Variants in MYCBP2 observed in about 807,000 individuals in gnomAD.
MYCBP2 encodes E3 ubiquitin-protein ligase MYCBP2.
MYCBP2 carries 120 observed loss-of-function variants against 525.3 expected under a neutral mutation model. The observed-to-expected ratio is 0.23, with a 90% CI of 0.20 to 0.27. The LOEUF (loss-of-function observed/expected upper bound fraction) is 0.27, where lower values mean the gene tolerates loss of function less well. Among genes scored for constraint, MYCBP2 ranks in the 10% least tolerant of loss-of-function variants. MYCBP2 has a pLI of 1.00. For missense variants in MYCBP2, 4,149 were observed against 5,657.1 expected (o/e 0.73, Z 8.55); for synonymous variants, 1,894 against 1,955.8 (o/e 0.97, Z 0.83).
intron 81 of MYCBP2, 128 bp from the exon 82 acceptor site, chr13:77,051,290 T>C (rs983114361): frequency 1.2e-5 from 9 of 751,608 alleles, no homozygotes; most frequent in Admixed American, 1.0e-4. Context: ...TAAAAATTGA[T>C]TGAAAAACTG....
chr13:77,249,546 A>G (rs965239679), intron 15 of MYCBP2, among the ~76,000 whole-genome samples: 5 of 152,072 alleles, frequency 3.3e-5, no homozygotes, highest in African/African-American at 4.8e-5. Flanking sequence ...GAGAGTGGGG[A>G]TATTAAATTT....
Position 77,097,903 on chromosome 13 carries a change from T to C in MYCBP2, c.9251A>G (p.Lys3084Arg). 1 of 1,612,676 alleles carries C rather than the reference T, an allele frequency of 6.2e-7. No homozygotes were observed. Among genetic ancestry groups the C allele is most frequent in the Non-Finnish European group, 8.5e-7 (1 of 1,179,598 alleles). Residue 3084 changes from lysine to arginine, a missense_variant, in exon 56 of 83, where the codon AAG becomes AGG. By Grantham distance (26) the Lys-to-Arg change is conservative. Around this residue, in one of 21 missense-constraint regions of MYCBP2, gnomAD observed 653 missense variants for 744.7 expected, o/e 0.88. Coordinates refer to ENST00000544440, the MANE Select transcript of MYCBP2 (RefSeq NM_015057.5). ...SQQPTEEKET[K>R]LKNRHSLEIS... ...TTCTAATGAATGTCTATTTTTTAAC[T>C]TGGTTTCTTTTTCCTCTGTAGGTTG... is the stretch of plus-strand genomic sequence containing the variant.
At chr13:77,103,277 C>T (rs1330132143) in intron 55 of MYCBP2, 11 of 397,416 alleles carry the variant, frequency 2.8e-5, no homozygotes, top group African/African-American at 1.2e-4. Flanking sequence ...TTTGTAAATG[C>T]GCTCACGAGA....
chr13:77,129,357 A>G (rs1594776335), intron 52 of MYCBP2: 1 of 386,734 alleles, frequency 2.6e-6, no homozygotes, highest in East Asian at 3.6e-5. Flanking sequence ...ATATTATTTT[A>G]CTAAAGAGAA....
At chr13:77,088,065 T>C (rs931606399) in intron 61 of MYCBP2, among the ~76,000 whole-genome samples, 1 of 152,154 alleles carries the variant, frequency 6.6e-6, no homozygotes, top group Non-Finnish European at 1.5e-5. Context: ...ATTACAAGCA[T>C]GGGCTACTAT....
rs114686299 is a variant in MYCBP2 at position 77,258,945 on chromosome 13, T to C, written c.2018-1116A>G. On this transcript the variant is annotated intron_variant, in intron 13 of 82. Transcript: ENST00000544440. ...ACCCAGTTAAAGATTAAGTAAACTG[T>C]TACCCAATTAAAAGCGTTGGTGCCA... Among the ~76,000 whole-genome samples, 1,509 of 152,220 alleles carry C rather than the reference T, an allele frequency of 9.9e-3. 25 individuals are homozygous for C. The highest frequency in any genetic ancestry group is 0.034 in the African/African-American group (1,424 of 41,532).
chr13:77,068,155 A>T (rs1372967062), intron 70 of MYCBP2, among the ~76,000 whole-genome samples: 1 of 152,202 alleles, frequency 6.6e-6, no homozygotes, highest in Non-Finnish European at 1.5e-5. Flanking sequence ...TTAAGAAAAG[A>T]AATATGATTT....
At position 77,171,607 on chromosome 13, in the gene MYCBP2, G is replaced by A. The variant is rs777422904; in HGVS notation, c.5679C>T (p.Ser1893=). The change falls in exon 38 of 83, where the codon TCC becomes TCT. Residue 1893 remains serine, a synonymous_variant. Coordinates refer to ENST00000544440, the MANE Select transcript of MYCBP2 (RefSeq NM_015057.5). ...CTTCATTGGCTTTACTCAGAAGTTG[G>A]GATTGTAAATCTCCATCAAATTCAC... is the stretch of plus-strand genomic sequence containing the variant. The part of the protein sequence containing the change: ...YRSEFDGDLQ[S]QLLSKANEED... 1.2e-6 allele frequency: 2 copies of A among 1,613,950 alleles called. No homozygotes were observed. The highest frequency in any genetic ancestry group is 2.2e-5 in the South Asian group (2 of 91,050).
In MYCBP2 at chr13:77,251,408, A is replaced by G. The variant is rs1006005874; in HGVS notation, c.2177-53T>C. On this transcript the variant is annotated intron_variant, in intron 14 of 82. Coordinates refer to ENST00000544440, the MANE Select transcript of MYCBP2 (RefSeq NM_015057.5). ...TATACAGGTTACTTTCATGTATAAAAGATGGATGACTATATTTCCCAGTTT... is the reference window on the plus strand; with the variant it reads ...TATACAGGTTACTTTCATGTATAAAGGATGGATGACTATATTTCCCAGTTT... The G allele has an allele frequency of 2.8e-6, 4 of 1,441,406 alleles. No homozygotes were observed. In the African/African-American group the frequency reaches 5.6e-5, roughly 20 times the overall value. The allele number at this position is 1,441,406 out of a possible 1,614,324, so 89.3% of individuals were successfully genotyped here.
intron 56 of MYCBP2, among the ~76,000 whole-genome samples, 195 bp from the exon 57 acceptor site, chr13:77,096,676 C>A (rs77806805): frequency 6.6e-6 from 1 of 151,834 alleles, no homozygotes; most frequent in South Asian, 2.1e-4. Flanking sequence ...TTAAATGATG[C>A]CCCAAATATG....
At chr13:77,292,697 G>A (rs1382321493) in intron 2 of MYCBP2, among the ~76,000 whole-genome samples, 2 of 152,102 alleles carry the variant, frequency 1.3e-5, no homozygotes, top group Admixed American at 6.5e-5. Context: ...GGTGGCTTGT[G>A]CCTGTAATCC....
chr13:77,225,684 GT>G, intron 18 of MYCBP2, 130 bp from the exon 19 acceptor site: 1 of 1,146,282 alleles, frequency 8.7e-7, no homozygotes, highest in Non-Finnish European at 1.2e-6. Context: ...ATCTGTAGCT[GT>G]TAGAAGTGAT....
At chr13:77,144,176 C>T (rs973945349) in intron 49 of MYCBP2, 12 of 413,798 alleles carry the variant, frequency 2.9e-5, no homozygotes, top group East Asian at 9.3e-5. Context: ...GTAACAGCAG[C>T]GTGGAAGAGA....
chr13:77,306,235 T>G (rs890214605), intron 1 of MYCBP2, among the ~76,000 whole-genome samples: 1 of 152,202 alleles, frequency 6.6e-6, no homozygotes, highest in African/African-American at 2.4e-5. Flanking sequence ...ACTGAAGCTT[T>G]TCCATAGAAG....
chr13:77,238,100 C>G (rs748282499), intron 17 of MYCBP2, among the ~76,000 whole-genome samples: 1 of 151,586 alleles, frequency 6.6e-6, no homozygotes. Flanking sequence ...AAAATTAGCC[C>G]GGTGTGGTGG....
intron 34 of MYCBP2, among the ~76,000 whole-genome samples, chr13:77,179,346 T>C (rs2060002442): frequency 6.6e-6 from 1 of 152,186 alleles, no homozygotes; most frequent in African/African-American, 2.4e-5. Flanking sequence ...TAGGACATGA[T>C]TTTCCAAACC....
chr13:77,052,921 G>T (rs1424247406), intron 80 of MYCBP2, among the ~76,000 whole-genome samples: 1 of 152,162 alleles, frequency 6.6e-6, no homozygotes, highest in Non-Finnish European at 1.5e-5. Context: ...TTGAGCTCAG[G>T]AGTTCAAGAC....
At chr13:77,077,458 T>C (rs967298222) in intron 66 of MYCBP2, 71 bp from the exon 67 acceptor site, 13 of 1,554,406 alleles carry the variant, frequency 8.4e-6, no homozygotes, top group East Asian at 4.5e-5. Flanking sequence ...GGACTTAGCA[T>C]TGATACCAGC....
chr13:77,137,607 G>T (rs1255624062), intron 52 of MYCBP2, among the ~76,000 whole-genome samples: 3 of 151,636 alleles, frequency 2.0e-5, no homozygotes, highest in Non-Finnish European at 4.4e-5. Context: ...TGTTTTTTTT[G>T]AGACAGAGAT....
Sources: allele counts gnomAD v4.1 joint callset (sites outside exome capture counted in the v4.1 genomes callset), GRCh38; gene constraint gnomAD v4.1.1; regional missense constraint gnomAD v4.1.1; transcripts MANE v1.5; gene names NCBI Gene and HGNC (gene_info 2026-07-23, HGNC 2026-07-21).